Variants in EVA1A observed in about 807,000 individuals in gnomAD.
EVA1A encodes the protein eva-1 homolog A, regulator of programmed cell death.
EVA1A carries 7 observed loss-of-function variants against 9.8 expected under a neutral mutation model. The ratio of observed to expected loss-of-function variants is 0.71; its 90% CI spans 0.41 to 1.34. The LOEUF (loss-of-function observed/expected upper bound fraction) is 1.34. Ranked by LOEUF, EVA1A falls within the 40% of genes most tolerant of loss-of-function variation. The pLI is 0.01. For synonymous variants in EVA1A, 90 were observed against 85.6 expected (o/e 1.05, Z -0.28); for missense variants, 206 against 205.9 (o/e 1.00, Z 0.00).
At chr2:75,517,263 C>T (rs577501600) in intron 3 of EVA1A, among the ~76,000 whole-genome samples, 2 of 152,252 alleles carry the variant, frequency 1.3e-5, no homozygotes, top group East Asian at 1.9e-4. Context: ...TAAAACTAGT[C>T]CTCGCCCAAA....
chr2:75,566,085 A>G (rs1314266317), intron 1 of EVA1A, among the ~76,000 whole-genome samples: 2 of 152,164 alleles, frequency 1.3e-5, no homozygotes, highest in Non-Finnish European at 2.9e-5. Context: ...ACGGATAGTC[A>G]TTAACCAAGT....
intron 3 of EVA1A, among the ~76,000 whole-genome samples, chr2:75,516,790 A>T (rs186275996): frequency 3.6e-4 from 55 of 152,352 alleles, no homozygotes; most frequent in Admixed American, 1.1e-3. Context: ...TACAGAGCTA[A>T]GGAAATTATG....
At position 75,528,070 on chromosome 2, in the gene EVA1A, T is replaced by C. The variant is rs1454691999; in HGVS notation, c.-191-5583A>G. Among the ~76,000 whole-genome samples the C allele has an allele frequency of 5.9e-5, 9 of 152,298 alleles. No homozygotes were observed. In the East Asian group the frequency reaches 1.3e-3, roughly 23 times the overall value. On this transcript the variant is annotated intron_variant, in intron 1 of 3. Transcript: ENST00000393913. ...CAAAATATAAAAGTAGAAGAAGCAGTGGGAAGTGCCCTGTAGGCACTCCTG... is the reference window on the plus strand; with the variant it reads ...CAAAATATAAAAGTAGAAGAAGCAGCGGGAAGTGCCCTGTAGGCACTCCTG...
At chr2:75,556,831 C>G (rs916484302) in intron 1 of EVA1A, among the ~76,000 whole-genome samples, 1 of 152,152 alleles carries the variant, frequency 6.6e-6, no homozygotes. Context: ...CAATAGGGTT[C>G]ATGCTCCTAT....
Position 75,518,181 on chromosome 2 carries a change from T to A in EVA1A, c.-41A>T. ...GACCTCCTGGAGGTGCTTGGCTGAA[T>A]CAACGTGGCCACTCTCCTTCTTCTC... is the stretch of plus-strand genomic sequence containing the variant. On this transcript the variant is annotated 5_prime_UTR_variant, in exon 3 of 4. Transcript: ENST00000393913. 6.2e-7 allele frequency: 1 copy of A among 1,605,266 alleles called. No individual in the cohort carries two copies. Among genetic ancestry groups the A allele is most frequent in the African/African-American group, 1.3e-5 (1 of 74,568 alleles).
chr2:75,520,029 C>T (rs1675180551), intron 2 of EVA1A, among the ~76,000 whole-genome samples: 1 of 152,148 alleles, frequency 6.6e-6, no homozygotes, highest in African/African-American at 2.4e-5. Flanking sequence ...CCTCTTAACA[C>T]AATACACATC....
chr2:75,557,647 C>G (rs1400573148), intron 1 of EVA1A, among the ~76,000 whole-genome samples: 2 of 152,222 alleles, frequency 1.3e-5, no homozygotes, highest in African/African-American at 4.8e-5. Context: ...CTGCACCTCT[C>G]TCCTCCAGGC....
rs114406697 is a variant in EVA1A at position 75,521,661 on chromosome 2, G to A, written c.-69+704C>T. On this transcript the variant is annotated intron_variant, in intron 2 of 3. Transcript: ENST00000393913. ...AGAAAGTAGCGGTTGTCAGGAACAG[G>A]AGCAGGGAAAAGATAATTATTGAAC... is the stretch of plus-strand genomic sequence containing the variant. Among the ~76,000 whole-genome samples, 561 of 152,304 alleles carry A rather than the reference G, an allele frequency of 3.7e-3. 1 individual carries two copies. The highest frequency in any genetic ancestry group is 0.013 in the African/African-American group (540 of 41,572).
At chr2:75,557,946 T>C (rs1676777785) in intron 1 of EVA1A, among the ~76,000 whole-genome samples, 1 of 152,272 alleles carries the variant, frequency 6.6e-6, no homozygotes, top group African/African-American at 2.4e-5. Flanking sequence ...TGAGCACTTA[T>C]TATATGCCAA....
At chr2:75,568,148 C>G (rs769425375) in intron 1 of EVA1A, among the ~76,000 whole-genome samples, 3 of 152,038 alleles carry the variant, frequency 2.0e-5, no homozygotes, top group Non-Finnish European at 2.9e-5. Context: ...TGTGCCAAAG[C>G]CCCTGCTTGC....
At chr2:75,547,280 G>A (rs1008554277) in intron 1 of EVA1A, among the ~76,000 whole-genome samples, 1 of 152,128 alleles carries the variant, frequency 6.6e-6, no homozygotes, top group African/African-American at 2.4e-5. Context: ...CCACCCACCG[G>A]GTGAGGAGAA....
At chr2:75,513,402 G>A (rs2103829355) in intron 3 of EVA1A, among the ~76,000 whole-genome samples, 2 of 152,160 alleles carry the variant, frequency 1.3e-5, no homozygotes, top group African/African-American at 4.8e-5. Flanking sequence ...TTGTATCTTT[G>A]GACATACTTC....
chr2:75,533,760 A>AC (rs113946349), intron 1 of EVA1A, among the ~76,000 whole-genome samples: 5,364 of 151,714 alleles, frequency 0.035, 314 homozygotes, highest in African/African-American at 0.12. Context: ...ACATGGTGAG[A>AC]CCCCAATCTC....
In EVA1A at chr2:75,493,291, C is replaced by T; in HGVS notation, c.404G>A (p.Trp135Ter). The T allele has an allele frequency of 1.9e-6, 3 of 1,614,054 alleles. No individual in the cohort carries two copies. Among genetic ancestry groups the T allele is most frequent in the Non-Finnish European group, 2.5e-6 (3 of 1,179,966 alleles). ...GGGCACCTCAGGCTGGCCATTCATC[C>T]AGATCTCCCTGATGATGCGCTCGCG... is the stretch of plus-strand genomic sequence containing the variant. ...EERERIIREI[W>*]MNGQPEVPGT... The change falls in exon 4 of 4, where the codon TGG becomes TAG. Residue 135 changes from tryptophan (W) to a stop codon, truncating the protein, a stop_gained. Transcript: ENST00000393913. LOFTEE classifies it high-confidence loss of function.
chr2:75,532,466 T>C lies in EVA1A; in HGVS notation c.-191-9979A>G, dbSNP rs1675700109. 2.0e-5 allele frequency among the ~76,000 whole-genome samples: 3 copies of C among 151,878 alleles called. No individual in the cohort carries two copies. In the South Asian group the frequency reaches 6.2e-4, roughly 32 times the overall value. ...CATTCCACACAGTAAAAAAATACAA[T>C]AACCAAAATAAAAAGCTCAAAATAA... On this transcript the variant is annotated intron_variant, in intron 1 of 3. Coordinates refer to ENST00000393913, the MANE Select transcript of EVA1A (RefSeq NM_001135032.2).
At chr2:75,539,476 G>A (rs867172) in intron 1 of EVA1A, among the ~76,000 whole-genome samples, 24,737 of 152,074 alleles carry the variant, frequency 0.16, 2,258 homozygotes, top group African/African-American at 0.25. Context: ...TTAAAACGAG[G>A]CTAATGATTC....
rs376315530 is a variant in EVA1A at position 75,528,758 on chromosome 2, G to A, written c.-191-6271C>T. On this transcript the variant is annotated intron_variant, in intron 1 of 3. Transcript: ENST00000393913. ...GCACCCCCCATTGCCTGAGAAACCC[G>A]AAGTTATCCAGGTGACCTTAGGGCA... Among the ~76,000 whole-genome samples, 14 of 152,202 alleles carry A rather than the reference G, an allele frequency of 9.2e-5. No homozygotes were observed. The East Asian group carries it at 2.1e-3, about 23-fold the overall frequency.
At chr2:75,543,272 T>G (rs1366536008) in intron 1 of EVA1A, among the ~76,000 whole-genome samples, 2 of 152,112 alleles carry the variant, frequency 1.3e-5, no homozygotes, top group East Asian at 3.9e-4. Flanking sequence ...CTTGCCCACA[T>G]TCTATTCCTA....
intron 1 of EVA1A, among the ~76,000 whole-genome samples, chr2:75,560,437 G>T (rs75686030): frequency 2.0e-5 from 3 of 152,134 alleles, no homozygotes; most frequent in African/African-American, 2.4e-5. Flanking sequence ...AAAGAAGCAG[G>T]GGGGGCGAGA....
Sources: gnomAD v4.1 joint callset for allele counts (sites outside exome capture counted in the v4.1 genomes callset) on GRCh38, gnomAD v4.1.1 for gene constraint, MANE v1.5 for transcripts, NCBI Gene and HGNC (gene_info 2026-07-23, HGNC 2026-07-21) for gene names.